Variants in STK3 observed in about 807,000 individuals in gnomAD.
STK3 encodes serine/threonine-protein kinase 3.
STK3 carries 41 observed loss-of-function variants against 58.0 expected under a neutral mutation model. That is an observed-to-expected ratio of 0.71 (90% CI 0.55 to 0.92). The LOEUF (loss-of-function observed/expected upper bound fraction) is 0.92. STK3 is among the 40% of genes least tolerant of loss of function. STK3 has a pLI of 0.00. For synonymous variants in STK3, 170 were observed against 191.0 expected (o/e 0.89, Z 0.91); for missense variants, 479 against 602.7 (o/e 0.79, Z 2.15).
chr8:98,857,996 C>T (rs1196239223), intron 3 of STK3, among the ~76,000 whole-genome samples: 1 of 152,006 alleles, frequency 6.6e-6, no homozygotes, highest in Non-Finnish European at 1.5e-5. Context: ...TTGATAGGCT[C>T]ACTTTTTAAA....
chr8:98,635,101 T>C (rs543471239), intron 6 of STK3, among the ~76,000 whole-genome samples: 1 of 152,188 alleles, frequency 6.6e-6, no homozygotes, highest in Admixed American at 6.5e-5. Context: ...CCTTCTATAA[T>C]ACTACAGCCA....
intron 9 of STK3, among the ~76,000 whole-genome samples, chr8:98,539,533 C>G (rs1004140043): frequency 6.6e-6 from 1 of 152,090 alleles, no homozygotes; most frequent in Non-Finnish European, 1.5e-5. Flanking sequence ...CATTTGCTTT[C>G]TCTTACTAAT....
chr8:98,544,720 T>C (rs539483589), intron 9 of STK3, among the ~76,000 whole-genome samples: 1 of 150,640 alleles, frequency 6.6e-6, no homozygotes, highest in African/African-American at 2.4e-5. Context: ...TCTACTGTAA[T>C]TAGTATTCAT....
In STK3 at chr8:98,526,722, A is replaced by C; in HGVS notation, c.1317+20T>G. On this transcript the variant is annotated intron_variant, in intron 10 of 10. Coordinates refer to ENST00000419617, the MANE Select transcript of STK3 (RefSeq NM_006281.4). ...ATATAGAAGGAGAAAACATAAATTGAAGAATTAAAATGTACTTACAAAGTC... is the reference window on the plus strand; with the variant it reads ...ATATAGAAGGAGAAAACATAAATTGCAGAATTAAAATGTACTTACAAAGTC... 2 of 1,512,450 alleles carry C rather than the reference A, an allele frequency of 1.3e-6. No homozygotes were observed. The highest frequency in any genetic ancestry group is 2.7e-5 in the South Asian group (2 of 73,666). 93.7% of individuals were successfully genotyped at this position (1,512,450 alleles called of 1,614,324 possible).
intron 6 of STK3, among the ~76,000 whole-genome samples, chr8:98,655,765 G>A (rs1821442637): frequency 6.6e-6 from 1 of 152,078 alleles, no homozygotes; most frequent in South Asian, 2.1e-4. Context: ...TCAGAGAAAT[G>A]CAAATCAAAA....
intron 2 of STK3, among the ~76,000 whole-genome samples, chr8:98,435,087 C>T (rs1256484401): frequency 6.6e-6 from 1 of 152,170 alleles, no homozygotes; most frequent in Non-Finnish European, 1.5e-5. Flanking sequence ...ATAGAGAGCA[C>T]AGGAGCCCCC....
At chr8:98,610,521 A>G (rs929386173) in intron 6 of STK3, among the ~76,000 whole-genome samples, 2 of 152,226 alleles carry the variant, frequency 1.3e-5, no homozygotes, top group African/African-American at 4.8e-5. Flanking sequence ...CTCCTAAAAC[A>G]GTGCGGCACA....
At chr8:98,826,895 C>T (rs1163853243), upstream of STK3, among the ~76,000 whole-genome samples, 2 of 136,932 alleles carry the variant, frequency 1.5e-5, no homozygotes, top group African/African-American at 5.7e-5. Flanking sequence ...CCTGGTGATG[C>T]GCCTGTACTC....
At chr8:98,882,223 T>G (rs1837820535), downstream of STK3, 1 of 152,158 alleles carries the variant, frequency 6.6e-6, no homozygotes, top group African/African-American at 2.4e-5. Context: ...TGGGTGTTTA[T>G]AGTTGCTTCC....
intron 6 of STK3, among the ~76,000 whole-genome samples, chr8:98,647,377 T>C (rs944598940): frequency 1.3e-5 from 2 of 152,214 alleles, no homozygotes; most frequent in African/African-American, 4.8e-5. Flanking sequence ...ATATTCTATA[T>C]AAATTACTTA....
intron 3 of STK3, among the ~76,000 whole-genome samples, chr8:98,859,719 A>C (rs1836857110): frequency 6.6e-6 from 1 of 152,230 alleles, no homozygotes; most frequent in Admixed American, 6.5e-5. Flanking sequence ...GTGCAATCAT[A>C]TCACACAGCA....
chr8:98,554,713 A>G (rs1270363944), intron 8 of STK3, among the ~76,000 whole-genome samples: 3 of 152,146 alleles, frequency 2.0e-5, no homozygotes, highest in Non-Finnish European at 2.9e-5. Flanking sequence ...GTACAGATGG[A>G]ATGATAACTA....
At chr8:98,570,570 C>T (rs779279001) in intron 8 of STK3, among the ~76,000 whole-genome samples, 3 of 152,002 alleles carry the variant, frequency 2.0e-5, no homozygotes, top group African/African-American at 4.8e-5. Flanking sequence ...CACACCAGAT[C>T]AGTAATGTTA....
In STK3 at chr8:98,711,191, A is replaced by G. The variant is rs1826399818; in HGVS notation, c.352-3880T>C. 2.0e-5 allele frequency among the ~76,000 whole-genome samples: 3 copies of G among 152,350 alleles called. No individual in the cohort carries two copies. In the South Asian group the frequency reaches 6.2e-4, roughly 32 times the overall value. ...AAAACCACAAAGATGCAGAAAAAAC[A>G]GAGCAGAAAAACTGGAAACTCTAAA... On this transcript the variant is annotated intron_variant, in intron 4 of 10. Coordinates refer to ENST00000419617, the MANE Select transcript of STK3 (RefSeq NM_006281.4).
intron 3 of STK3, among the ~76,000 whole-genome samples, chr8:98,854,955 G>A (rs1272199351): frequency 6.6e-6 from 1 of 152,168 alleles, no homozygotes; most frequent in Non-Finnish European, 1.5e-5. Flanking sequence ...TGCTGGGGAG[G>A]CTGAGGCACA....
intron 1 of STK3, among the ~76,000 whole-genome samples, chr8:98,890,954 G>A (rs1036193758): frequency 6.6e-6 from 1 of 152,224 alleles, no homozygotes; most frequent in Non-Finnish European, 1.5e-5. Context: ...GGTTATCAAT[G>A]CCAGTAACTA....
intron 3 of STK3, among the ~76,000 whole-genome samples, chr8:98,405,904 C>G (rs1362982648): frequency 6.6e-6 from 1 of 152,182 alleles, no homozygotes; most frequent in Admixed American, 6.5e-5. Context: ...GACTTGCCCC[C>G]ATGATTCAAT....
At position 98,848,476 on chromosome 8, in the gene STK3, T is replaced by C. The variant is rs142113065; in HGVS notation, c.110+35171A>G. Among the ~76,000 whole-genome samples the C allele has an allele frequency of 8.7e-3, 1,319 of 152,318 alleles. 11 individuals are homozygous for C. The highest frequency in any genetic ancestry group is 0.03 in the African/African-American group (1,240 of 41,568). On this transcript the variant is annotated intron_variant, in intron 3 of 12. Coordinates refer to the STK3 transcript ENST00000523601. ...GTTGGTAAGGCTGGTCTCGAACTCC[T>C]GACCTCAGGTGATCCGCCTGCCTCG...
At chr8:98,799,586 C>A (rs973241163) in intron 1 of STK3, among the ~76,000 whole-genome samples, 1 of 152,156 alleles carries the variant, frequency 6.6e-6, no homozygotes, top group Admixed American at 6.5e-5. Flanking sequence ...TCTGCCTCCC[C>A]ACTAACTGGA....
Sources: gnomAD v4.1 joint callset for allele counts (sites outside exome capture counted in the v4.1 genomes callset) on GRCh38, gnomAD v4.1.1 for gene constraint, MANE v1.5 for transcripts, NCBI Gene and HGNC (gene_info 2026-07-23, HGNC 2026-07-21) for gene names.